Variants in OXNAD1 observed in about 807,000 individuals in gnomAD.
OXNAD1 encodes the protein oxidoreductase NAD-binding domain-containing protein 1.
OXNAD1 carries 34 observed loss-of-function variants against 32.9 expected under a neutral mutation model. The ratio of observed to expected loss-of-function variants is 1.03; its 90% confidence interval spans 0.79 to 1.38. The LOEUF (loss-of-function observed/expected upper bound fraction) is 1.38, where lower values mean the gene tolerates loss of function less well. OXNAD1 is among the 40% of genes most tolerant of loss of function. The pLI is 0.00. For missense variants in OXNAD1, 407 were observed against 379.4 expected (o/e 1.07, Z -0.60); for synonymous variants, 134 against 135.2 (o/e 0.99, Z 0.06).
In OXNAD1 at chr3:16,348,095, C is replaced by T. The variant is rs2071856670; in HGVS notation, c.*31-1081C>T. 1 of 152,080 alleles carries T rather than the reference C, an allele frequency of 6.6e-6. No individual in the cohort carries two copies. 9.4% of individuals were successfully genotyped at this position (152,080 alleles called of 1,614,324 possible). On this transcript the variant is annotated intron_variant, in intron 9 of 9. Coordinates refer to the OXNAD1 transcript ENST00000606098. This position sits in a 1 kb window ranked among gnomAD's most constrained non-coding sequence, Gnocchi z 6.3. ...GGAGCAGGGCTTTCATACACCCACA[C>T]TCCTCTGTCATCGACGAGGACCACC... is the stretch of plus-strand genomic sequence containing the variant.
chr3:16,313,638 GCCATTTCACC>G (rs1197272781), intron 9 of OXNAD1: 1 of 152,134 alleles, frequency 6.6e-6, no homozygotes, highest in Non-Finnish European at 1.5e-5. Context: ...AGAGGTGGGT[GCCATTTCACC>G]CCATTTCACA....
At chr3:16,337,941 G>C (rs2071020375), downstream of OXNAD1, among the ~76,000 whole-genome samples, 1 of 152,138 alleles carries the variant, frequency 6.6e-6, no homozygotes, top group Non-Finnish European at 1.5e-5. This position sits in a 1 kb window ranked among gnomAD's most constrained non-coding sequence, Gnocchi z 5.0. Context: ...ATAACCTACT[G>C]TGAGGCCCAG....
downstream of OXNAD1, chr3:16,306,215 CAT>C (rs552764791): frequency 1.3e-3 from 205 of 152,242 alleles, no homozygotes; most frequent in African/African-American, 4.8e-3. Flanking sequence ...TTTTTTCAAA[CAT>C]ATGACAAAGT....
Position 16,335,984 on chromosome 3 carries a change from G to T in OXNAD1, c.*31-1128G>T, listed in dbSNP as rs1479381608. On this transcript the variant is annotated intron_variant, in intron 9 of 9. Coordinates refer to the OXNAD1 transcript ENST00000435829. The surrounding 1 kb of genome is among the most constrained non-coding windows in gnomAD (Gnocchi z 4.7). ...AGCATGCTGGCGCCTTCTCAGGGCT[G>T]CCTGGGCCCTGCTCAGCACACGCTG... Among the ~76,000 whole-genome samples, 4 of 152,222 alleles carry T rather than the reference G, an allele frequency of 2.6e-5. No homozygotes were observed. Among genetic ancestry groups the T allele is most frequent in the Non-Finnish European group, 4.4e-5 (3 of 68,038 alleles).
intron 9 of OXNAD1, among the ~76,000 whole-genome samples, chr3:16,326,587 T>G (rs2069716201): frequency 6.6e-6 from 1 of 151,730 alleles, no homozygotes. Flanking sequence ...TGCAGGGGAG[T>G]TCTCTGGGTG....
chr3:16,309,801 G>A (rs1468868719), downstream of OXNAD1, among the ~76,000 whole-genome samples: 3 of 152,118 alleles, frequency 2.0e-5, no homozygotes, highest in Non-Finnish European at 4.4e-5. Context: ...CTTATCTGTC[G>A]CTGTGGGTAG....
In OXNAD1 at chr3:16,301,789, CA is replaced by C; in HGVS notation, c.599del (p.Asn200ThrfsTer8). Reference sequence around the variant, plus strand: ...GCAGCAGATCTCCTCAGAGAGCAGGCAAACAAAAGAAATGGATATGAGATAG... The same window carrying C: ...GCAGCAGATCTCCTCAGAGAGCAGGCAACAAAAGAAATGGATATGAGATAG... Reference protein sequence around the residue: ...RHAADLLREQANKRNGYEIGT... With the variant: ...RHAADLLREQXNKRNGYEIGT... On this transcript the variant is annotated frameshift_variant, in exon 7 of 9. Coordinates refer to ENST00000285083, the MANE Select transcript of OXNAD1 (RefSeq NM_138381.5). LOFTEE classifies it high-confidence loss of function. The surrounding 1 kb of genome is among the most constrained non-coding windows in gnomAD (Gnocchi z 4.1). 6.2e-7 allele frequency: 1 copy of C among 1,614,042 alleles called. No individual in the cohort carries two copies. Among genetic ancestry groups the C allele is most frequent in the Middle Eastern group, 1.6e-4 (1 of 6,062 alleles).
At chr3:16,328,499 C>T (rs1231748721) in intron 9 of OXNAD1, among the ~76,000 whole-genome samples, 1 of 152,232 alleles carries the variant, frequency 6.6e-6, no homozygotes, top group African/African-American at 2.4e-5. Context: ...TAACTGGACA[C>T]CAGTTCCAGA....
rs941849207 is a variant in OXNAD1, at chr3:16,303,242, G to A, written c.785-166G>A. Among the ~76,000 whole-genome samples, 4 of 152,150 alleles carry A rather than the reference G, an allele frequency of 2.6e-5. No individual in the cohort carries two copies. The highest frequency in any genetic ancestry group is 9.7e-5 in the African/African-American group (4 of 41,428). On this transcript the variant is annotated intron_variant, in intron 8 of 8. Transcript: ENST00000285083. The surrounding 1 kb of genome is among the most constrained non-coding windows in gnomAD (Gnocchi z 4.8). ...GGAAGCCTGGAGATGCACTCTGCTT[G>A]GGTCTGGGCCCAGATGCCAATAGGA...
chr3:16,291,254 T>A (rs1266487546), intron 5 of OXNAD1, among the ~76,000 whole-genome samples: 1 of 152,188 alleles, frequency 6.6e-6, no homozygotes, highest in Non-Finnish European at 1.5e-5. Context: ...TTTTAAAACT[T>A]AAAAAGACTG....
rs149684253 is a variant in OXNAD1 at position 16,347,015 on chromosome 3, C to T, written c.*31-2161C>T. Among the ~76,000 whole-genome samples the T allele has an allele frequency of 3.2e-3, 484 of 152,328 alleles. 2 individuals carry two copies. The highest frequency in any genetic ancestry group is 0.011 in the African/African-American group (443 of 41,574). On this transcript the variant is annotated intron_variant, in intron 9 of 9. Transcript: ENST00000606098. ...TTTTAGTTGGATTTCCTGCTATGAA[C>T]GGTGGAAAGCAACCCAACTGATACC... is the stretch of plus-strand genomic sequence containing the variant.
At chr3:16,313,354 C>G (rs1001992174) in intron 9 of OXNAD1, among the ~76,000 whole-genome samples, 20 of 151,966 alleles carry the variant, frequency 1.3e-4, no homozygotes, top group Non-Finnish European at 4.4e-5. Flanking sequence ...CATGGTCCAT[C>G]TTGAACTGTG....
chr3:16,265,789 G>T lies in OXNAD1; in HGVS notation c.-159+284G>T. 1.2e-6 allele frequency: 1 copy of T among 868,738 alleles called. No homozygotes were observed. Among genetic ancestry groups the T allele is most frequent in the Non-Finnish European group, 1.4e-6 (1 of 723,552 alleles). 53.8% of individuals were successfully genotyped at this position (868,738 alleles called of 1,614,324 possible). A position where few individuals can be genotyped will look rare whatever the true frequency, so the allele number is the denominator to read the frequency against. On this transcript the variant is annotated intron_variant, in intron 1 of 8. Transcript: ENST00000285083. This position sits in a 1 kb window ranked among gnomAD's most constrained non-coding sequence, Gnocchi z 4.8. ...TGAGGTACAGAGAGTTGGGCATCTT[G>T]ACTAAAATCATACACCTGGGAAATA...
chr3:16,302,607 T>C lies in OXNAD1; in HGVS notation c.676-33T>C, dbSNP rs373018998. The C allele has an allele frequency of 3.4e-6, 5 of 1,476,934 alleles. No homozygotes were observed. The African/African-American group carries it at 4.2e-5, about 12-fold the overall frequency. 91.5% of individuals were successfully genotyped at this position (1,476,934 alleles called of 1,614,324 possible). The stretch of plus-strand genomic sequence containing the variant: ...GCACATCTGTTTTGATTTTTTAAAA[T>C]TGTAGTGTGACCAAATATGTTTGAC... On this transcript the variant is annotated intron_variant, in intron 7 of 8. Coordinates refer to ENST00000285083, the MANE Select transcript of OXNAD1 (RefSeq NM_138381.5). The surrounding 1 kb of genome is among the most constrained non-coding windows in gnomAD (Gnocchi z 4.2).
At chr3:16,326,827 G>C in intron 9 of OXNAD1, 1 of 1,614,124 alleles carries the variant, frequency 6.2e-7, no homozygotes, top group Non-Finnish European at 8.5e-7. Flanking sequence ...CCAGCCATAG[G>C]CCGCCAGCGA....
chr3:16,326,516 G>A (rs565434097), intron 9 of OXNAD1, among the ~76,000 whole-genome samples: 7 of 152,302 alleles, frequency 4.6e-5, no homozygotes, highest in East Asian at 1.9e-4. Context: ...CAGTCTGAGC[G>A]GCTCATCTTT....
chr3:16,301,670 C>G lies in OXNAD1; in HGVS notation c.477C>G (p.Phe159Leu), dbSNP rs1390159575. The part of the protein sequence containing the change: ...CEVAVRVGGE[F>L]FFDPQPADAS... ...TGGCTGTGAGAGTGGGTGGAGAGTT[C>G]TTCTTTGACCCTCAGCCTGCGGATG... Residue 159 changes from phenylalanine (F) to leucine (L), a missense_variant, in exon 7 of 9, where the codon TTC becomes TTG. Transcript: ENST00000285083. The surrounding 1 kb of genome is among the most constrained non-coding windows in gnomAD (Gnocchi z 4.1). 16 of 1,612,542 alleles carry G rather than the reference C, an allele frequency of 9.9e-6. No individual in the cohort carries two copies. Among genetic ancestry groups the G allele is most frequent in the Non-Finnish European group, 1.4e-5 (16 of 1,179,524 alleles).
At position 16,294,777 on chromosome 3, in the gene OXNAD1, A is replaced by C. The variant is rs564631573; in HGVS notation, c.291-79A>C. The stretch of plus-strand genomic sequence containing the variant: ...TAGTAATTTTTTTTCATAGTCTTGC[A>C]AAGGTTTGTCAATTCTGTTTAATTT... On this transcript the variant is annotated intron_variant, in intron 5 of 8. Coordinates refer to ENST00000285083, the MANE Select transcript of OXNAD1 (RefSeq NM_138381.5). 5 of 1,381,266 alleles carry C rather than the reference A, an allele frequency of 3.6e-6. No homozygotes were observed. The South Asian group carries it at 5.8e-5, about 16-fold the overall frequency. The allele number at this position is 1,381,266 out of a possible 1,614,324, so 85.6% of individuals were successfully genotyped here.
chr3:16,290,591 C>T lies in OXNAD1; in HGVS notation c.290+4143C>T, dbSNP rs1177524561. 1.3e-5 allele frequency among the ~76,000 whole-genome samples: 2 copies of T among 152,154 alleles called. No individual in the cohort carries two copies. Among genetic ancestry groups the T allele is most frequent in the African/African-American group, 2.4e-5 (1 of 41,426 alleles). On this transcript the variant is annotated intron_variant, in intron 5 of 8. Coordinates refer to ENST00000285083, the MANE Select transcript of OXNAD1 (RefSeq NM_138381.5). The surrounding 1 kb of genome is among the most constrained non-coding windows in gnomAD (Gnocchi z 4.2). The stretch of plus-strand genomic sequence containing the variant: ...AAATAATGGAGATTTTTGTATACCT[C>T]CTCTGTGATAGCATATAGCAACTGT...
Sources: allele counts gnomAD v4.1 joint callset (sites outside exome capture counted in the v4.1 genomes callset), GRCh38; gene constraint gnomAD v4.1.1; non-coding constraint Gnocchi (gnomAD v3.1); transcripts MANE v1.5; gene names NCBI Gene and HGNC (gene_info 2026-07-23, HGNC 2026-07-21).